WDR26: variants seen among roughly 807,000 people sequenced by gnomAD.
The protein encoded by WDR26 is WD repeat-containing protein 26.
WDR26 carries 5 observed loss-of-function variants against 84.1 expected under a neutral mutation model. The ratio of observed to expected loss-of-function variants is 0.06; its 90% CI spans 0.03 to 0.13. WDR26 has a LOEUF of 0.13. WDR26 is among the 10% of genes least tolerant of loss of function. The probability of loss-of-function intolerance (pLI) is 1.00; values close to 1 mark genes in which losing one functional copy is unlikely to be tolerated. For missense variants in WDR26, 642 were observed against 974.9 expected, an observed-to-expected ratio of 0.66 and a Z score of 4.55; for synonymous variants, 415 against 389.6, an observed-to-expected ratio of 1.07 and a Z score of -0.77.
In WDR26 at chr1:224,398,115, T is replaced by C. The variant is rs1370752338; in HGVS notation, c.2056A>G (p.Ile686Val). 1 of 1,613,510 alleles carries C rather than the reference T, an allele frequency of 6.2e-7. No individual in the cohort carries two copies. The highest frequency in any genetic ancestry group is 8.5e-7 in the Non-Finnish European group (1 of 1,179,848). ...AATTTACCTTCACTGCCACTAGCGA[T>C]GAAGTCTTCATTATGGCCTCCAAAA... Residue 686 changes from isoleucine (I) to valine (V), a missense_variant, in exon 12 of 14, where the codon ATC (isoleucine) becomes GTC (valine). Physicochemically the swap from Ile to Val is conservative, Grantham distance 29 (BLOSUM62 3). Transcript: ENST00000414423.
chr1:224,413,834 G>A (rs1673810403), intron 6 of WDR26, among the ~76,000 whole-genome samples: 1 of 151,964 alleles, frequency 6.6e-6, no homozygotes, highest in Admixed American at 6.6e-5. Context: ...TTTTGAGATG[G>A]AGTCTCGCTC....
chr1:224,391,457 T>C (rs1261840525), intron 13 of WDR26, among the ~76,000 whole-genome samples: 4 of 152,148 alleles, frequency 2.6e-5, no homozygotes, highest in Non-Finnish European at 4.4e-5. Context: ...TTAAAATTTT[T>C]CCCTTTTGAA....
chr1:224,424,329 AAT>A (rs752360447), intron 4 of WDR26, among the ~76,000 whole-genome samples, 187 bp downstream of exon 4: 3 of 152,242 alleles, frequency 2.0e-5, no homozygotes, highest in South Asian at 2.1e-4. Context: ...CACCCACTTA[AAT>A]ATATCTCTAT....
chr1:224,431,478 A>C lies in WDR26; in HGVS notation c.926T>G (p.Val309Gly). The change falls in exon 3 of 14, where the codon GTG becomes GGG. Residue 309 changes from valine (V) to glycine (G), a missense_variant and splice_region_variant. This residue lies in a region of WDR26 where 351 missense variants were observed against 672.8 expected (regional missense o/e 0.52). Transcript: ENST00000414423. ...AACTAAGAACAAAAGTGTATTTACC[A>C]CAATTATTCCCAACAACGTTTGAGA... is the stretch of plus-strand genomic sequence containing the variant. The C allele has an allele frequency of 6.2e-7, 1 of 1,613,556 alleles. No individual in the cohort carries two copies.
intron 4 of WDR26, 84 bp downstream of exon 4, chr1:224,424,434 C>A: frequency 6.5e-7 from 1 of 1,534,358 alleles, no homozygotes; most frequent in South Asian, 1.2e-5. Flanking sequence ...TAGCAATAAT[C>A]AAGATTTTAT....
At chr1:224,431,346 C>A (rs1572219249) in intron 3 of WDR26, 131 bp downstream of exon 3, 6 of 714,110 alleles carry the variant, frequency 8.4e-6, no homozygotes, top group South Asian at 3.7e-5. Flanking sequence ...TTATACTCAT[C>A]CTAGTTTACA....
chr1:224,434,014 T>C lies in WDR26; in HGVS notation c.392A>G (p.Glu131Gly). Residue 131 changes from glutamate (E) to glycine (G), a missense_variant, in exon 1 of 14, where the codon GAA becomes GGA. Coordinates refer to ENST00000414423, the MANE Select transcript of WDR26 (RefSeq NM_001379403.1). ...GTTCTGGGCCGACAAGCAGGCGAGT[T>C]CCGGGGTCTGTCCCTGGCCCCCGCC... 6.6e-7 allele frequency: 1 copy of C among 1,505,174 alleles called. No individual in the cohort carries two copies. The highest frequency in any genetic ancestry group is 8.9e-7 in the Non-Finnish European group (1 of 1,129,662). 93.2% of individuals were successfully genotyped at this position (1,505,174 alleles called of 1,614,324 possible).
chr1:224,400,290 G>T (rs1433833092), intron 9 of WDR26, among the ~76,000 whole-genome samples: 3 of 146,658 alleles, frequency 2.0e-5, no homozygotes, highest in African/African-American at 2.5e-5. Context: ...AAAATTCAGT[G>T]TTTTTTTTTT....
rs1165351412 is a variant in WDR26 at position 224,389,677 on chromosome 1, T to G, written c.*158A>C. On this transcript the variant is annotated 3_prime_UTR_variant, in exon 14 of 14. Transcript: ENST00000414423. ...CTCAACTGGTTACTATGAAGCAAGG[T>G]GTAAATGTTTGGCCCCAATCGGGCT... is the stretch of plus-strand genomic sequence containing the variant. 1.4e-6 allele frequency: 1 copy of G among 727,822 alleles called. No individual in the cohort carries two copies. The highest frequency in any genetic ancestry group is 2.7e-5 in the East Asian group (1 of 37,124). 45.1% of individuals were successfully genotyped at this position (727,822 alleles called of 1,614,324 possible). A position where few individuals can be genotyped will look rare whatever the true frequency, so the allele number is the denominator to read the frequency against.
intron 3 of WDR26, chr1:224,429,603 A>G (rs1674327692): frequency 6.6e-6 from 1 of 152,232 alleles, no homozygotes. Flanking sequence ...TGATTCATCA[A>G]TGCTTAAAGT....
At chr1:224,402,872 A>G (rs1201629486) in intron 8 of WDR26, among the ~76,000 whole-genome samples, 5 of 152,148 alleles carry the variant, frequency 3.3e-5, no homozygotes, top group Non-Finnish European at 5.9e-5. Flanking sequence ...TTTGGGAACA[A>G]TTGTGGATTT....
chr1:224,391,118 A>G (rs1027365426), intron 13 of WDR26, among the ~76,000 whole-genome samples: 2 of 151,526 alleles, frequency 1.3e-5, no homozygotes, highest in African/African-American at 4.8e-5. Context: ...TAATCCCAGT[A>G]CTTTGGGAGG....
chr1:224,409,163 T>C (rs1032831812), intron 7 of WDR26, among the ~76,000 whole-genome samples: 11 of 152,210 alleles, frequency 7.2e-5, no homozygotes, highest in East Asian at 1.9e-4. Context: ...TATCATATTA[T>C]AGTTGTTGCA....
At position 224,394,035 on chromosome 1, in the gene WDR26, A is replaced by G. The variant is rs755535742; in HGVS notation, c.2075-22T>C. On this transcript the variant is annotated intron_variant, in intron 12 of 13. Transcript: ENST00000414423. ...TGATCTGAACATATAGTAATTCAGA[A>G]AAAAGTTTTACATTAATAAAACCAA... 5 of 1,412,264 alleles carry G rather than the reference A, an allele frequency of 3.5e-6. No homozygotes were observed. The Admixed American group carries it at 1.1e-4, about 32-fold the overall frequency. The allele number at this position is 1,412,264 out of a possible 1,614,324, so 87.5% of individuals were successfully genotyped here. A position where few individuals can be genotyped will look rare whatever the true frequency, so the allele number is the denominator to read the frequency against.
chr1:224,394,551 C>CTGGA (rs1436257271), intron 12 of WDR26, among the ~76,000 whole-genome samples: 1 of 151,124 alleles, frequency 6.6e-6, no homozygotes, highest in Non-Finnish European at 1.5e-5. Flanking sequence ...GTTGCCCAGG[C>CTGGA]TGGAGCGCAG....
chr1:224,399,767 C>A (rs980427478), intron 9 of WDR26, among the ~76,000 whole-genome samples: 7 of 152,128 alleles, frequency 4.6e-5, no homozygotes, highest in Admixed American at 2.6e-4. Flanking sequence ...AACTGATAAC[C>A]TGTTTTAGCT....
Position 224,407,709 on chromosome 1 carries a change from C to T in WDR26, c.1459-3139G>A, listed in dbSNP as rs866952855. Among the ~76,000 whole-genome samples, 4 of 152,042 alleles carry T rather than the reference C, an allele frequency of 2.6e-5. No homozygotes were observed. The South Asian group carries it at 6.2e-4, about 24-fold the overall frequency. ...ATTTTTACTAGAGATGGGGTTTCACCATGTTGGCCAGGTTGGCTTGAACTT... is the reference window on the plus strand; with the variant it reads ...ATTTTTACTAGAGATGGGGTTTCACTATGTTGGCCAGGTTGGCTTGAACTT... On this transcript the variant is annotated intron_variant, in intron 7 of 13. Transcript: ENST00000414423.
rs1340932160 is a variant in WDR26 at position 224,411,423 on chromosome 1, A to T, written c.1458+4T>A. On this transcript the variant is annotated splice_donor_region_variant and intron_variant, in intron 7 of 13. Coordinates refer to ENST00000414423, the MANE Select transcript of WDR26 (RefSeq NM_001379403.1). ...AATATAAACACTCATATTGGGGTAC[A>T]TACCGGATCAACTTGCCATATGATA... 3 of 1,607,822 alleles carry T rather than the reference A, an allele frequency of 1.9e-6. No individual in the cohort carries two copies. The highest frequency in any genetic ancestry group is 2.5e-6 in the Non-Finnish European group (3 of 1,178,088).
At chr1:224,431,341 C>T (rs1674385365) in intron 3 of WDR26, 136 bp downstream of exon 3, 2 of 689,898 alleles carry the variant, frequency 2.9e-6, no homozygotes, top group East Asian at 2.8e-5. Flanking sequence ...AAACATTATA[C>T]TCATCCTAGT....
Sources: gnomAD v4.1 joint callset for allele counts (sites outside exome capture counted in the v4.1 genomes callset) on GRCh38, gnomAD v4.1.1 for gene constraint, gnomAD v4.1.1 regional missense constraint, MANE v1.5 for transcripts, NCBI Gene and HGNC (gene_info 2026-07-23, HGNC 2026-07-21) for gene names.